Variants in SBF2 observed in about 807,000 individuals in gnomAD.
SBF2 encodes SET binding factor 2.
Under a neutral mutation model 225.2 loss-of-function variants are expected in SBF2, and 112 were observed. The observed-to-expected ratio is 0.50, with a 90% CI of 0.43 to 0.58. The LOEUF (loss-of-function observed/expected upper bound fraction) is 0.58. Ranked by LOEUF, SBF2 falls within the 20% of genes least tolerant of loss-of-function variation. The pLI is 0.00. For missense variants in SBF2, 1,996 were observed against 2,206.2 expected, an observed-to-expected ratio of 0.90 and a Z score of 1.91; for synonymous variants, 763 against 773.3, an observed-to-expected ratio of 0.99 and a Z score of 0.22.
intron 1 of SBF2, among the ~76,000 whole-genome samples, chr11:10,248,529 T>C (rs1960024618): frequency 6.6e-6 from 1 of 152,200 alleles, no homozygotes; most frequent in Non-Finnish European, 1.5e-5. Flanking sequence ...CCATGCCTAG[T>C]ACATAATTAA....
In SBF2 at chr11:9,851,111, G is replaced by A. The variant is rs1856903051; in HGVS notation, c.2611-893C>T. ...AGATTGTGCCACTGCACTCCAGCCT[G>A]GGCAACAGAGCAAGACTCCATCTCA... On this transcript the variant is annotated intron_variant, in intron 21 of 39. Coordinates refer to ENST00000256190, the MANE Select transcript of SBF2 (RefSeq NM_030962.4). 4.8e-5 allele frequency among the ~76,000 whole-genome samples: 7 copies of A among 144,890 alleles called. No homozygotes were observed. In the South Asian group the frequency reaches 1.1e-3, roughly 23 times the overall value.
At chr11:10,103,701 G>C (rs1952418360) in intron 2 of SBF2, among the ~76,000 whole-genome samples, 1 of 152,182 alleles carries the variant, frequency 6.6e-6, no homozygotes, top group Non-Finnish European at 1.5e-5. Context: ...GTAGAATGAA[G>C]GGAAATAACT....
chr11:10,040,462 T>C (rs1339762461), intron 3 of SBF2, among the ~76,000 whole-genome samples: 1 of 151,666 alleles, frequency 6.6e-6, no homozygotes, highest in African/African-American at 2.4e-5. Flanking sequence ...ATGTCAACAT[T>C]ATAGACAAAG....
chr11:10,124,779 A>T (rs929361620), intron 2 of SBF2, among the ~76,000 whole-genome samples: 1 of 152,072 alleles, frequency 6.6e-6, no homozygotes, highest in African/African-American at 2.4e-5. Flanking sequence ...AAAACAAAAA[A>T]ATATATATAC....
intron 22 of SBF2, among the ~76,000 whole-genome samples, chr11:9,848,656 A>G (rs762989559): frequency 2.9e-4 from 44 of 152,284 alleles, no homozygotes; most frequent in Non-Finnish European, 4.1e-4. Flanking sequence ...TAACCTCACA[A>G]AAGTCCTACT....
intron 16 of SBF2, among the ~76,000 whole-genome samples, chr11:9,911,342 C>A (rs2134187225): frequency 6.6e-6 from 1 of 151,258 alleles, no homozygotes; most frequent in Middle Eastern, 3.4e-3. Context: ...CAAGATCATG[C>A]CAGTGCACTC....
At chr11:9,873,924 A>G (rs529329558) in intron 17 of SBF2, among the ~76,000 whole-genome samples, 2 of 151,960 alleles carry the variant, frequency 1.3e-5, no homozygotes, top group Non-Finnish European at 2.9e-5. Flanking sequence ...TGGCAGGCGC[A>G]TGTAATCTCA....
chr11:10,007,142 C>T (rs78858991), intron 6 of SBF2, among the ~76,000 whole-genome samples: 5,084 of 152,198 alleles, frequency 0.033, 312 homozygotes, highest in East Asian at 0.18. Flanking sequence ...TCTGGTATCT[C>T]CTCTGTGAAA....
At chr11:10,004,610 C>T (rs1225882137) in intron 6 of SBF2, among the ~76,000 whole-genome samples, 1 of 147,394 alleles carries the variant, frequency 6.8e-6, no homozygotes, top group Admixed American at 6.8e-5. Context: ...CTACATACCT[C>T]CCATACCTCC....
At chr11:10,034,432 T>G (rs887475551) in intron 3 of SBF2, among the ~76,000 whole-genome samples, 2 of 152,238 alleles carry the variant, frequency 1.3e-5, no homozygotes, top group Non-Finnish European at 2.9e-5. Flanking sequence ...TAACTTGATG[T>G]AGCAGATCAG....
intron 1 of SBF2, among the ~76,000 whole-genome samples, chr11:10,270,043 A>G (rs1247301841): frequency 6.6e-6 from 1 of 152,248 alleles, no homozygotes; most frequent in African/African-American, 2.4e-5. Context: ...CACTATTTAT[A>G]ACAGCAAAAA....
chr11:9,960,123 T>C (rs1332985666), intron 16 of SBF2: 2 of 171,810 alleles, frequency 1.2e-5, no homozygotes, highest in Non-Finnish European at 2.5e-5. Context: ...GCTACCTGAG[T>C]AGCTGGGACT....
At chr11:9,790,530 G>A in intron 34 of SBF2, 26 bp downstream of exon 34, 2 of 1,561,268 alleles carry the variant, frequency 1.3e-6, no homozygotes, top group Non-Finnish European at 8.8e-7. Flanking sequence ...TTCAGAAAGT[G>A]AAACATAAAT....
chr11:9,782,183 TAA>T (rs11345786), intron 38 of SBF2, among the ~76,000 whole-genome samples: 361 of 139,218 alleles, frequency 2.6e-3, no homozygotes, highest in African/African-American at 2.5e-3. Context: ...TCTCAAAAAA[TAA>T]AAAAAAAAAA....
At chr11:10,271,147 G>C (rs955252774) in intron 1 of SBF2, among the ~76,000 whole-genome samples, 4 of 150,842 alleles carry the variant, frequency 2.7e-5, no homozygotes, top group African/African-American at 9.8e-5. Flanking sequence ...CAAAAAGACA[G>C]AATAACAAGG....
chr11:10,278,408 T>C (rs916287929), intron 1 of SBF2, among the ~76,000 whole-genome samples: 1 of 152,194 alleles, frequency 6.6e-6, no homozygotes, highest in Non-Finnish European at 1.5e-5. Context: ...CCCAAAAATT[T>C]CGAGAGCTCA....
chr11:9,847,191 A>G, intron 22 of SBF2, 108 bp from the exon 23 acceptor site: 2 of 1,382,076 alleles, frequency 1.4e-6, no homozygotes, highest in Non-Finnish European at 2.1e-6. Context: ...TTTGAAGAGG[A>G]CACTGCCCAG....
At chr11:10,018,131 G>C (rs914217785) in intron 6 of SBF2, among the ~76,000 whole-genome samples, 1 of 152,048 alleles carries the variant, frequency 6.6e-6, no homozygotes, top group Non-Finnish European at 1.5e-5. Context: ...GAACTGTCCT[G>C]GCAGAAACAA....
intron 2 of SBF2, among the ~76,000 whole-genome samples, chr11:10,071,304 T>C (rs1197154577): frequency 6.9e-6 from 1 of 144,218 alleles, no homozygotes; most frequent in Non-Finnish European, 1.5e-5. Context: ...TCTCACTCTG[T>C]CACCCAGGCT....
Sources: gnomAD v4.1 joint callset for allele counts (sites outside exome capture counted in the v4.1 genomes callset) on GRCh38, gnomAD v4.1.1 for gene constraint, MANE v1.5 for transcripts, NCBI Gene and HGNC (gene_info 2026-07-23, HGNC 2026-07-21) for gene names.